The following AOPEP variants were observed in gnomAD, a reference collection of about 807,000 sequenced individuals.
AOPEP encodes the protein aminopeptidase O.
A neutral mutation model predicts 98.1 loss-of-function variants in AOPEP; 77 were observed. That is an observed-to-expected ratio of 0.78 (90% CI 0.65 to 0.95). The LOEUF (loss-of-function observed/expected upper bound fraction) is 0.95. AOPEP is among the 40% of genes least tolerant of loss of function. AOPEP has a pLI of 0.00. For synonymous variants in AOPEP, 346 were observed against 365.3 expected (o/e 0.95, Z 0.60); for missense variants, 1,024 against 1,024.7 (o/e 1.00, Z 0.01).
At chr9:95,141,768 GTTC>G in the AOPEP span, among the ~76,000 whole-genome samples, 2 of 152,094 alleles carry the variant, frequency 1.3e-5, no homozygotes, top group Admixed American at 1.3e-4. Context: ...CATAAATTAG[GTTC>G]TTCTGATAGA....
chr9:95,061,212 A>C (rs1192316008), intron 14 of AOPEP, among the ~76,000 whole-genome samples: 1 of 152,196 alleles, frequency 6.6e-6, no homozygotes, highest in Non-Finnish European at 1.5e-5. Flanking sequence ...GTGTAAAGGG[A>C]ATGAAAACTA....
chr9:94,955,138 T>C (rs577917976), intron 7 of AOPEP, 39 bp from the exon 8 acceptor site: 2 of 1,168,134 alleles, frequency 1.7e-6, no homozygotes, highest in African/African-American at 3.1e-5. Flanking sequence ...TACTTAAGAA[T>C]GTGCTATACT....
chr9:95,008,871 T>G (rs2062254856), intron 13 of AOPEP, among the ~76,000 whole-genome samples: 1 of 152,254 alleles, frequency 6.6e-6, no homozygotes, highest in Non-Finnish European at 1.5e-5. Flanking sequence ...ATTTTAGCCC[T>G]TGTTCTCCTG....
At chr9:94,997,842 C>T (rs1006398512) in intron 11 of AOPEP, among the ~76,000 whole-genome samples, 6 of 152,080 alleles carry the variant, frequency 3.9e-5, no homozygotes, top group South Asian at 4.2e-4. Flanking sequence ...TAGAGGCATA[C>T]GCCACCGTGC....
chr9:94,802,070 A>G (rs1370069823), intron 5 of AOPEP, among the ~76,000 whole-genome samples: 4 of 152,216 alleles, frequency 2.6e-5, no homozygotes, highest in Admixed American at 2.6e-4. Flanking sequence ...TCCTATGTTT[A>G]TGAAGATAAT....
chr9:95,092,749 T>C, the AOPEP span, among the ~76,000 whole-genome samples: 1 of 152,170 alleles, frequency 6.6e-6, no homozygotes, highest in Admixed American at 6.5e-5. Flanking sequence ...AGAAAGTTCC[T>C]TTCTGCTCTC....
intron 1 of AOPEP, among the ~76,000 whole-genome samples, chr9:94,744,274 C>T (rs757788378): frequency 2.6e-5 from 4 of 152,070 alleles, no homozygotes; most frequent in African/African-American, 4.8e-5. Flanking sequence ...CGCCTGTAGT[C>T]CCAGCTACTC....
downstream of AOPEP, among the ~76,000 whole-genome samples, chr9:95,090,697 A>G (rs1045282629): frequency 6.6e-6 from 1 of 152,312 alleles, no homozygotes; most frequent in Admixed American, 6.5e-5. Context: ...AGGGCTCTGG[A>G]CCACAGCCAG....
downstream of AOPEP, among the ~76,000 whole-genome samples, chr9:95,090,367 G>T (rs2070850025): frequency 6.6e-6 from 1 of 152,224 alleles, no homozygotes; most frequent in Non-Finnish European, 1.5e-5. Flanking sequence ...GCAGGAGCCG[G>T]GCAGCCCAGT....
chr9:94,958,542 GC>G (rs2058618597), intron 9 of AOPEP, among the ~76,000 whole-genome samples: 2 of 152,238 alleles, frequency 1.3e-5, no homozygotes, highest in African/African-American at 4.8e-5. Flanking sequence ...TCACGCACTT[GC>G]CAACACTTAA....
chr9:94,873,206 A>C (rs2046548186), intron 5 of AOPEP, among the ~76,000 whole-genome samples: 1 of 152,192 alleles, frequency 6.6e-6, no homozygotes, highest in Admixed American at 6.5e-5. Flanking sequence ...CATTGTTTCT[A>C]GTCCAGTTAT....
intron 5 of AOPEP, among the ~76,000 whole-genome samples, chr9:94,833,691 G>C (rs544213827): frequency 2.6e-5 from 4 of 152,280 alleles, no homozygotes; most frequent in Non-Finnish European, 5.9e-5. Context: ...AAGTCCATGA[G>C]TTCATAATAA....
intron 13 of AOPEP, among the ~76,000 whole-genome samples, chr9:95,056,818 A>T (rs965149970): frequency 6.6e-6 from 1 of 152,214 alleles, no homozygotes; most frequent in Non-Finnish European, 1.5e-5. Context: ...AATCCTTAAC[A>T]AGCAGCATTT....
chr9:95,027,514 C>G lies in AOPEP; in HGVS notation c.2115+21898C>G, dbSNP rs1258256107. Reference sequence around the variant, plus strand: ...GTATTTTGAATTCTTTTTTTTAGTTCTGTTACTCAAACCAATGTTTGTCAG... The same window carrying G: ...GTATTTTGAATTCTTTTTTTTAGTTGTGTTACTCAAACCAATGTTTGTCAG... On this transcript the variant is annotated intron_variant, in intron 13 of 16. Transcript: ENST00000375315. 1.3e-5 allele frequency among the ~76,000 whole-genome samples: 2 copies of G among 151,640 alleles called. 1 individual carries two copies. Among genetic ancestry groups the G allele is most frequent in the East Asian group, 3.9e-4 (2 of 5,182 alleles).
the AOPEP span, among the ~76,000 whole-genome samples, chr9:95,104,799 A>T: frequency 6.6e-6 from 1 of 152,012 alleles, no homozygotes; most frequent in Non-Finnish European, 1.5e-5. Context: ...AGGGTTGGGG[A>T]GGAAGTGCCT....
chr9:95,005,479 G>GC, intron 12 of AOPEP, 63 bp from the exon 13 acceptor site: 1 of 1,475,816 alleles, frequency 6.8e-7, no homozygotes, highest in Non-Finnish European at 9.5e-7. Context: ...GCTTTCTCGC[G>GC]CTGGGGGATG....
chr9:94,884,639 A>G (rs2047971310), intron 5 of AOPEP, among the ~76,000 whole-genome samples: 1 of 152,158 alleles, frequency 6.6e-6, no homozygotes. Flanking sequence ...TCGTCATCCA[A>G]AAAGTGGGGA....
chr9:95,122,981 G>A, the AOPEP span, among the ~76,000 whole-genome samples: 7 of 152,186 alleles, frequency 4.6e-5, no homozygotes, highest in African/African-American at 1.7e-4. Context: ...TCCAGGGAAA[G>A]TGAGGGTGGG....
At chr9:94,963,490 T>C (rs2138217011) in intron 9 of AOPEP, among the ~76,000 whole-genome samples, 1 of 152,290 alleles carries the variant, frequency 6.6e-6, no homozygotes, top group African/African-American at 2.4e-5. Flanking sequence ...AAAAAAAAAT[T>C]CTAAAGGAAT....
Sources: allele counts gnomAD v4.1 joint callset (sites outside exome capture counted in the v4.1 genomes callset), GRCh38; gene constraint gnomAD v4.1.1; transcripts MANE v1.5; gene names NCBI Gene and HGNC (gene_info 2026-07-23, HGNC 2026-07-21).